ZFAND3: variants seen among roughly 807,000 people sequenced by gnomAD.
The protein encoded by ZFAND3 is AN1-type zinc finger protein 3.
ZFAND3 carries 10 observed loss-of-function variants against 29.6 expected under a neutral mutation model. That is an observed-to-expected ratio of 0.34 (90% CI 0.21 to 0.57). The LOEUF is 0.57. Ranked by LOEUF, ZFAND3 falls within the 20% of genes least tolerant of loss-of-function variation. The pLI is 0.86. For missense variants in ZFAND3, 230 were observed against 304.5 expected, an observed-to-expected ratio of 0.76 and a Z score of 1.82; for synonymous variants, 128 against 112.6, an observed-to-expected ratio of 1.14 and a Z score of -0.87.
At chr6:37,828,219 G>C (rs1000060577) in intron 1 of ZFAND3, among the ~76,000 whole-genome samples, 2 of 152,180 alleles carry the variant, frequency 1.3e-5, no homozygotes, top group Non-Finnish European at 2.9e-5. Context: ...CTTTGTCCAG[G>C]CACTTGGTTT....
intron 1 of ZFAND3, among the ~76,000 whole-genome samples, chr6:37,837,249 G>A (rs1226521115): frequency 1.3e-5 from 2 of 152,126 alleles, no homozygotes; most frequent in Admixed American, 6.5e-5. Context: ...TTCATGACAT[G>A]TGCTGTATGT....
At chr6:38,146,293 C>G (rs944949924) in intron 5 of ZFAND3, among the ~76,000 whole-genome samples, 2 of 152,206 alleles carry the variant, frequency 1.3e-5, no homozygotes, top group Admixed American at 6.5e-5. Flanking sequence ...GTGGTTGGGC[C>G]TCCTCACTAG....
chr6:37,918,985 G>A (rs1761321818), intron 1 of ZFAND3, among the ~76,000 whole-genome samples: 1 of 102,858 alleles, frequency 9.7e-6, no homozygotes, highest in Admixed American at 1.1e-4. Context: ...ACGGAGTCTC[G>A]CTCTGTTGCC....
chr6:38,050,550 T>C (rs985318431), intron 2 of ZFAND3, among the ~76,000 whole-genome samples: 5 of 152,126 alleles, frequency 3.3e-5, no homozygotes, highest in Non-Finnish European at 7.4e-5. Context: ...TAAGGAACTT[T>C]TCCCTGTTTG....
rs35350059 is a variant in ZFAND3, at chr6:37,870,600, GA to G, written c.71+50602del. On this transcript the variant is annotated intron_variant, in intron 1 of 5. Coordinates refer to ENST00000287218, the MANE Select transcript of ZFAND3 (RefSeq NM_021943.3). ...GGCGACAGAGCAAGGCTCTGTCTCAGAAAAAAAAAAAAAAAAAAGAGCACTT... is the reference window on the plus strand; with the variant it reads ...GGCGACAGAGCAAGGCTCTGTCTCAGAAAAAAAAAAAAAAAAAGAGCACTT... 1.3e-3 allele frequency among the ~76,000 whole-genome samples: 147 copies of G among 112,082 alleles called. 1 individual carries two copies. Among genetic ancestry groups the G allele is most frequent in the East Asian group, 7.7e-3 (28 of 3,656 alleles). The allele number at this position is 112,082 out of a possible 152,430, so 73.5% of individuals were successfully genotyped here.
intron 2 of ZFAND3, among the ~76,000 whole-genome samples, chr6:38,049,405 G>A (rs992480439): frequency 2.6e-5 from 4 of 152,150 alleles, no homozygotes; most frequent in African/African-American, 2.4e-5. Flanking sequence ...ATTCTCATTT[G>A]TAGGGAGAAA....
intron 2 of ZFAND3, among the ~76,000 whole-genome samples, chr6:38,010,239 C>CCTAGCT (rs1763123397): frequency 1.3e-5 from 2 of 152,134 alleles, no homozygotes; most frequent in African/African-American, 4.8e-5. Flanking sequence ...CATCAATGAA[C>CCTAGCT]CTAGCATGCA....
chr6:38,144,207 ATATAATATATAATATATATATATATTTT>A (rs1294133727), intron 5 of ZFAND3, among the ~76,000 whole-genome samples: 10 of 43,674 alleles, frequency 2.3e-4, no homozygotes, highest in African/African-American at 1.4e-3. Context: ...ATATATATAT[ATATAATATATAATATATATATATATTTT>A]TTTTTTAATA....
chr6:37,834,065 G>T (rs1293602403), intron 1 of ZFAND3, among the ~76,000 whole-genome samples: 1 of 151,928 alleles, frequency 6.6e-6, no homozygotes, highest in African/African-American at 2.4e-5. Context: ...CTTGGTGGTG[G>T]TATATTCAGT....
At chr6:37,914,672 CTTTTTT>C (rs71542148) in intron 1 of ZFAND3, among the ~76,000 whole-genome samples, 68 of 114,228 alleles carry the variant, frequency 6.0e-4, no homozygotes, top group African/African-American at 2.3e-3. Context: ...CTTTTTTTTT[CTTTTTT>C]TTTTAGTGGA....
intron 1 of ZFAND3, among the ~76,000 whole-genome samples, chr6:37,883,273 T>G (rs1764930203): frequency 6.6e-6 from 1 of 152,046 alleles, no homozygotes. Flanking sequence ...GTTAATAAAG[T>G]CAATAAAGTG....
chr6:38,123,720 G>A (rs568873654), intron 5 of ZFAND3, among the ~76,000 whole-genome samples: 43 of 152,218 alleles, frequency 2.8e-4, no homozygotes, highest in Admixed American at 5.2e-4. Context: ...GGACCCTTGC[G>A]GTGAGTGTTA....
At chr6:38,103,272 C>T (rs970914994) in intron 4 of ZFAND3, among the ~76,000 whole-genome samples, 25 of 151,684 alleles carry the variant, frequency 1.6e-4, no homozygotes, top group Admixed American at 1.6e-3. Context: ...CTTAAAGTCA[C>T]AGTTTCTAAG....
intron 1 of ZFAND3, among the ~76,000 whole-genome samples, chr6:37,913,486 G>A (rs1376596411): frequency 6.6e-6 from 1 of 151,998 alleles, no homozygotes; most frequent in Non-Finnish European, 1.5e-5. Context: ...TTCTCTTGCT[G>A]TTTCCACCAC....
intron 2 of ZFAND3, among the ~76,000 whole-genome samples, chr6:38,038,670 T>C (rs1222793012): frequency 6.6e-6 from 1 of 152,142 alleles, no homozygotes; most frequent in African/African-American, 2.4e-5. Flanking sequence ...ATAAAAAGTT[T>C]CTGGCATGAG....
chr6:37,992,078 AATTG>A (rs749534964), intron 2 of ZFAND3, among the ~76,000 whole-genome samples: 6 of 152,212 alleles, frequency 3.9e-5, no homozygotes, highest in African/African-American at 1.2e-4. Flanking sequence ...CTTTTTAAAA[AATTG>A]ATTGGGACTT....
chr6:37,922,453 A>T (rs1000115853), intron 1 of ZFAND3, among the ~76,000 whole-genome samples: 1 of 152,238 alleles, frequency 6.6e-6, no homozygotes, highest in Admixed American at 6.5e-5. Context: ...TGAAAAAATG[A>T]TATCTGTAGA....
chr6:37,875,519 GGTGAACTGT>G (rs1183237089), intron 1 of ZFAND3, among the ~76,000 whole-genome samples: 1 of 151,774 alleles, frequency 6.6e-6, no homozygotes, highest in Non-Finnish European at 1.5e-5. Flanking sequence ...AGAACTCTGA[GGTGAACTGT>G]TTAAAATAAA....
At chr6:37,879,998 C>G (rs1415436291) in intron 1 of ZFAND3, among the ~76,000 whole-genome samples, 2 of 152,136 alleles carry the variant, frequency 1.3e-5, no homozygotes, top group African/African-American at 4.8e-5. Flanking sequence ...AAAAAATTCA[C>G]CAGCTTTTAG....
Sources: gnomAD v4.1 joint callset for allele counts (sites outside exome capture counted in the v4.1 genomes callset) on GRCh38, gnomAD v4.1.1 for gene constraint, MANE v1.5 for transcripts, NCBI Gene and HGNC (gene_info 2026-07-23, HGNC 2026-07-21) for gene names.